TMEM178B: variants seen among roughly 807,000 people sequenced by gnomAD.
TMEM178B encodes the protein transmembrane protein 178B.
Under a neutral mutation model 31.0 loss-of-function variants are expected in TMEM178B, and 5 were observed. The observed-to-expected ratio is 0.16, with a 90% CI of 0.08 to 0.34. TMEM178B has a LOEUF of 0.34. TMEM178B is among the 10% of genes least tolerant of loss of function. TMEM178B has a pLI of 1.00. For synonymous variants in TMEM178B, 164 were observed against 164.0 expected, an observed-to-expected ratio of 1.00 and a Z score of 0.00; for missense variants, 275 against 400.3, an observed-to-expected ratio of 0.69 and a Z score of 2.67.
chr7:141,429,089 AT>A (rs752109391), intron 2 of TMEM178B, among the ~76,000 whole-genome samples: 1 of 152,220 alleles, frequency 6.6e-6, no homozygotes, highest in Non-Finnish European at 1.5e-5. Flanking sequence ...TAGTACAGCC[AT>A]TATGGAAAAC....
intron 2 of TMEM178B, among the ~76,000 whole-genome samples, chr7:141,315,062 G>A (rs1798977590): frequency 1.3e-5 from 2 of 152,176 alleles, no homozygotes; most frequent in East Asian, 1.9e-4. Flanking sequence ...TGGCCACTTG[G>A]TTCTGTTTTG....
chr7:141,331,049 G>A (rs1156708066), intron 2 of TMEM178B, among the ~76,000 whole-genome samples: 2 of 152,196 alleles, frequency 1.3e-5, no homozygotes, highest in African/African-American at 4.8e-5. Flanking sequence ...CTGAGATTGA[G>A]AGGAAAGCAG....
Position 141,126,632 on chromosome 7 carries a change from T to G in TMEM178B, c.382+51940T>G, listed in dbSNP as rs142679070. Among the ~76,000 whole-genome samples the G allele has an allele frequency of 2.6e-3, 399 of 152,360 alleles. 1 individual carries two copies. Among genetic ancestry groups the G allele is most frequent in the African/African-American group, 9.0e-3 (376 of 41,586 alleles). The stretch of plus-strand genomic sequence containing the variant: ...TGCTTTAGCAATGGGCCATCAGTGA[T>G]GCTTTTTGATCAGGGGAATGACATG... On this transcript the variant is annotated intron_variant, in intron 1 of 3. Coordinates refer to ENST00000565468, the MANE Select transcript of TMEM178B (RefSeq NM_001195278.2).
Position 141,292,546 on chromosome 7 carries a change from G to A in TMEM178B, c.496+79842G>A, listed in dbSNP as rs117514042. 9.3e-3 allele frequency among the ~76,000 whole-genome samples: 1,418 copies of A among 151,698 alleles called. 12 individuals carry two copies. The highest frequency in any genetic ancestry group is 0.013 in the Non-Finnish European group (867 of 67,948). On this transcript the variant is annotated intron_variant, in intron 2 of 3. Transcript: ENST00000565468. ...TCATTGGCCGGGAGCCCATGTTCTC[G>A]CATCACTAATGAACCAATATCCTTC...
At chr7:141,317,910 A>G (rs879287291) in intron 2 of TMEM178B, among the ~76,000 whole-genome samples, 2 of 152,186 alleles carry the variant, frequency 1.3e-5, no homozygotes, top group Admixed American at 6.6e-5. Context: ...AAGCTGCAGA[A>G]TGTGATTCTT....
chr7:141,241,515 A>G (rs1418677322), intron 2 of TMEM178B, among the ~76,000 whole-genome samples: 1 of 148,306 alleles, frequency 6.7e-6, no homozygotes, highest in Non-Finnish European at 1.5e-5. Context: ...ACTTGAACCC[A>G]GGAGGCAGAG....
At chr7:141,382,717 A>G (rs1044126137) in intron 2 of TMEM178B, among the ~76,000 whole-genome samples, 7 of 152,204 alleles carry the variant, frequency 4.6e-5, no homozygotes, top group Non-Finnish European at 8.8e-5. Context: ...GCATGTTAAT[A>G]TTAATATATA....
rs10582858 is a variant in TMEM178B, at chr7:141,192,490, CTTT to C, written c.383-20087_383-20085del. On this transcript the variant is annotated intron_variant, in intron 1 of 3. Transcript: ENST00000565468. The stretch of plus-strand genomic sequence containing the variant: ...GAATGGGGACTCTCCATGCAGCGGT[CTTT>C]TTTTTTTTTTTTTGAGACAGAGTCT... Among the ~76,000 whole-genome samples, 963 of 142,122 alleles carry C rather than the reference CTTT, an allele frequency of 6.8e-3. 9 individuals are homozygous for C. Among genetic ancestry groups the C allele is most frequent in the African/African-American group, 0.019 (721 of 38,574 alleles). The allele number at this position is 142,122 out of a possible 152,430, so 93.2% of individuals were successfully genotyped here.
chr7:141,424,077 C>T (rs1208461901), intron 2 of TMEM178B, among the ~76,000 whole-genome samples: 1 of 152,022 alleles, frequency 6.6e-6, no homozygotes, highest in African/African-American at 2.4e-5. Flanking sequence ...CTTGGCCTCC[C>T]AAAATGCTGG....
At chr7:141,076,608 G>A (rs1046283231) in intron 1 of TMEM178B, among the ~76,000 whole-genome samples, 4 of 152,184 alleles carry the variant, frequency 2.6e-5, no homozygotes, top group Non-Finnish European at 5.9e-5. Context: ...CACTGGAGGG[G>A]TTGGTTGCCA....
chr7:141,124,094 C>T (rs888946457), intron 1 of TMEM178B, among the ~76,000 whole-genome samples: 10 of 151,202 alleles, frequency 6.6e-5, no homozygotes, highest in South Asian at 2.2e-4. Context: ...AGGCTGGGTG[C>T]GGTGGCTCAC....
At chr7:141,460,358 C>G (rs1240420723) in intron 3 of TMEM178B, among the ~76,000 whole-genome samples, 1 of 152,240 alleles carries the variant, frequency 6.6e-6, no homozygotes, top group African/African-American at 2.4e-5. Context: ...CAAGCTCCTC[C>G]TCTTATAAGG....
chr7:141,075,246 A>G (rs1394618585), intron 1 of TMEM178B, among the ~76,000 whole-genome samples: 1 of 152,206 alleles, frequency 6.6e-6, no homozygotes, highest in African/African-American at 2.4e-5. Flanking sequence ...AAGCCAGCTG[A>G]CCAGCAGCAT....
chr7:141,411,123 G>A (rs35122961), intron 2 of TMEM178B, among the ~76,000 whole-genome samples: 53,841 of 146,490 alleles, frequency 0.37, 9,877 homozygotes, highest in Middle Eastern at 0.47. Context: ...GGCTGAGGAT[G>A]AGATGGAGAG....
At chr7:141,351,696 T>C (rs1799726032) in intron 2 of TMEM178B, among the ~76,000 whole-genome samples, 1 of 152,242 alleles carries the variant, frequency 6.6e-6, no homozygotes, top group East Asian at 1.9e-4. Flanking sequence ...TCAATCTGAA[T>C]GTCTACTTTA....
chr7:141,299,656 T>C (rs1434080083), intron 2 of TMEM178B, among the ~76,000 whole-genome samples: 1 of 152,212 alleles, frequency 6.6e-6, no homozygotes, highest in Non-Finnish European at 1.5e-5. Flanking sequence ...TCTGCAGAAT[T>C]TCTACTGGGG....
chr7:141,437,843 A>G (rs1801577058), intron 3 of TMEM178B, 98 bp downstream of exon 3: 4 of 1,468,896 alleles, frequency 2.7e-6, no homozygotes, highest in Non-Finnish European at 3.6e-6. Context: ...GGGGACCATG[A>G]CGTGACTGGG....
intron 1 of TMEM178B, among the ~76,000 whole-genome samples, chr7:141,083,684 T>C (rs1318457180): frequency 6.6e-6 from 1 of 152,136 alleles, no homozygotes; most frequent in Non-Finnish European, 1.5e-5. Flanking sequence ...GGGTTTAAAA[T>C]GAAAAACCTA....
At chr7:141,280,156 T>C (rs1464019641) in intron 2 of TMEM178B, among the ~76,000 whole-genome samples, 1 of 152,234 alleles carries the variant, frequency 6.6e-6, no homozygotes, top group African/African-American at 2.4e-5. Context: ...TGGACTCCAT[T>C]CATATGGTGG....
Sources: allele counts gnomAD v4.1 joint callset (sites outside exome capture counted in the v4.1 genomes callset), GRCh38; gene constraint gnomAD v4.1.1; transcripts MANE v1.5; gene names NCBI Gene and HGNC (gene_info 2026-07-23, HGNC 2026-07-21).